TAF4B: variants seen among roughly 807,000 people sequenced by gnomAD.
TAF4B encodes the protein transcription initiation factor TFIID subunit 4B.
A neutral mutation model predicts 86.4 loss-of-function variants in TAF4B; 38 were observed. The ratio of observed to expected loss-of-function variants is 0.44; its 90% CI spans 0.34 to 0.58. The LOEUF is 0.58. Ranked by LOEUF, TAF4B falls within the 20% of genes least tolerant of loss-of-function variation. TAF4B has a pLI of 0.02. For synonymous variants in TAF4B, 388 were observed against 391.2 expected (o/e 0.99, Z 0.10); for missense variants, 988 against 1,027.6 (o/e 0.96, Z 0.53).
At chr18:26,274,907 T>TTA (rs1177250066) in intron 4 of TAF4B, 24 bp from the exon 5 acceptor site, 1 of 1,612,310 alleles carries the variant, frequency 6.2e-7, no homozygotes, top group East Asian at 2.2e-5. Flanking sequence ...TTGTGTTTGC[T>TTA]TATATTTACA....
intron 6 of TAF4B, among the ~76,000 whole-genome samples, chr18:26,284,664 G>C (rs2056488699): frequency 6.6e-6 from 1 of 152,166 alleles, no homozygotes; most frequent in African/African-American, 2.4e-5. Flanking sequence ...GATCACCTGA[G>C]GTGAGGAGAT....
chr18:26,260,118 T>C (rs1259885232), intron 1 of TAF4B, among the ~76,000 whole-genome samples: 1 of 152,174 alleles, frequency 6.6e-6, no homozygotes, highest in Non-Finnish European at 1.5e-5. Flanking sequence ...TTCACCCACT[T>C]TTTGATGGGG....
At chr18:26,364,497 T>G (rs2144321044) in intron 14 of TAF4B, among the ~76,000 whole-genome samples, 1 of 152,292 alleles carries the variant, frequency 6.6e-6, no homozygotes, top group African/African-American at 2.4e-5. Flanking sequence ...CGGTGATGTG[T>G]TTGGGGTTCT....
intron 1 of TAF4B, chr18:26,255,625 C>A: frequency 1.1e-5 from 6 of 566,846 alleles, no homozygotes; most frequent in South Asian, 2.7e-5. Flanking sequence ...AAAAGAGGGT[C>A]AGTTTGTTGC....
At chr18:26,262,099 G>T (rs1208920986) in intron 1 of TAF4B, among the ~76,000 whole-genome samples, 1 of 152,084 alleles carries the variant, frequency 6.6e-6, no homozygotes, top group East Asian at 1.9e-4. Flanking sequence ...TGCTCTCCTT[G>T]AAGTACAGAT....
chr18:26,283,374 A>G (rs894306621), intron 6 of TAF4B, among the ~76,000 whole-genome samples: 1 of 152,200 alleles, frequency 6.6e-6, no homozygotes, highest in Non-Finnish European at 1.5e-5. Flanking sequence ...TCTCTATCAG[A>G]ACTTCTGGGT....
At chr18:26,375,542 C>G (rs2057436789) in intron 14 of TAF4B, among the ~76,000 whole-genome samples, 1 of 152,174 alleles carries the variant, frequency 6.6e-6, no homozygotes, top group African/African-American at 2.4e-5. Context: ...GTTCCACTTT[C>G]TCCACATCCT....
At position 26,267,323 on chromosome 18, in the gene TAF4B, T is replaced by C. The variant is rs947561191; in HGVS notation, c.490-193T>C. On this transcript the variant is annotated intron_variant, in intron 2 of 14. Coordinates refer to ENST00000269142, the MANE Select transcript of TAF4B (RefSeq NM_005640.3). ...TGAATCAGTTGCCACCTTAGAAATA[T>C]GAAATGAGTGTCATCTGGGCAGCTG... The C allele has an allele frequency of 9.5e-6, 4 of 422,036 alleles. No individual in the cohort carries two copies. The Admixed American group carries it at 1.2e-4, about 13-fold the overall frequency. 26.1% of individuals were successfully genotyped at this position (422,036 alleles called of 1,614,324 possible).
At chr18:26,342,319 C>T (rs2057143056) in intron 13 of TAF4B, among the ~76,000 whole-genome samples, 1 of 152,004 alleles carries the variant, frequency 6.6e-6, no homozygotes, top group South Asian at 2.1e-4. Context: ...TTTGATTTCC[C>T]ATATTGTCTA....
chr18:26,264,165 G>A (rs980679087), intron 1 of TAF4B, among the ~76,000 whole-genome samples: 1 of 152,186 alleles, frequency 6.6e-6, no homozygotes, highest in East Asian at 1.9e-4. Context: ...TCAGCCGGGT[G>A]CAGTGGCTCA....
At chr18:26,315,961 C>T (rs564389640) in intron 10 of TAF4B, among the ~76,000 whole-genome samples, 171 of 152,192 alleles carry the variant, frequency 1.1e-3, no homozygotes, top group Non-Finnish European at 2.1e-3. Context: ...CTAGCACTTT[C>T]GAAGGCCAAG....
At chr18:26,268,819 G>A (rs1245872437) in intron 3 of TAF4B, among the ~76,000 whole-genome samples, 1 of 151,868 alleles carries the variant, frequency 6.6e-6, no homozygotes, top group African/African-American at 2.4e-5. Context: ...ATTTTGTTTT[G>A]TTTTATTTTA....
At chr18:26,363,404 C>G (rs1483560421) in intron 14 of TAF4B, among the ~76,000 whole-genome samples, 9 of 134,708 alleles carry the variant, frequency 6.7e-5, no homozygotes, top group Non-Finnish European at 1.1e-4. Flanking sequence ...AAAAAGGCAG[C>G]GCGTGGTGGT....
At chr18:26,249,042 C>T (rs931481644) in intron 1 of TAF4B, among the ~76,000 whole-genome samples, 4 of 151,434 alleles carry the variant, frequency 2.6e-5, no homozygotes, top group Non-Finnish European at 5.9e-5. Context: ...CGTGGTGGTA[C>T]GTGCCTGTAA....
At chr18:26,282,161 TACTG>T (rs749822074) in intron 6 of TAF4B, 101 bp downstream of exon 6, 129 of 973,280 alleles carry the variant, frequency 1.3e-4, no homozygotes, top group Non-Finnish European at 1.9e-4. Flanking sequence ...AATGTGAAGA[TACTG>T]ACAGTGTGGG....
In TAF4B at chr18:26,375,919, G is replaced by C. The variant is rs112136444; in HGVS notation, c.2422-13926G>C. Among the ~76,000 whole-genome samples the C allele has an allele frequency of 8.2e-3, 1,242 of 152,044 alleles. 8 individuals carry two copies. Among genetic ancestry groups the C allele is most frequent in the Non-Finnish European group, 0.014 (954 of 67,940 alleles). On this transcript the variant is annotated intron_variant, in intron 14 of 14. Transcript: ENST00000269142. ...TAGGGGCCCAAATTCATTCTTTTGCGTGTGGCTATCCAGTTGTCCAGGCAT... is the reference window on the plus strand; with the variant it reads ...TAGGGGCCCAAATTCATTCTTTTGCCTGTGGCTATCCAGTTGTCCAGGCAT...
intron 13 of TAF4B, among the ~76,000 whole-genome samples, chr18:26,347,020 A>G (rs1039836702): frequency 9.5e-5 from 14 of 147,256 alleles, no homozygotes; most frequent in African/African-American, 3.2e-4. Flanking sequence ...TCCTGGGTTC[A>G]TGCCATTCTC....
At chr18:26,337,730 T>C (rs528789089) in intron 13 of TAF4B, among the ~76,000 whole-genome samples, 2 of 152,230 alleles carry the variant, frequency 1.3e-5, no homozygotes, top group African/African-American at 4.8e-5. Flanking sequence ...GCTAACCATA[T>C]CTTAATAGGG....
At chr18:26,250,496 CAA>C (rs9304494) in intron 1 of TAF4B, among the ~76,000 whole-genome samples, 82,262 of 135,380 alleles carry the variant, frequency 0.61, 24,616 homozygotes, top group East Asian at 0.9. Flanking sequence ...GACTCCATCT[CAA>C]AAAAAAAAAA....
Sources: allele counts gnomAD v4.1 joint callset (sites outside exome capture counted in the v4.1 genomes callset), GRCh38; gene constraint gnomAD v4.1.1; transcripts MANE v1.5; gene names NCBI Gene and HGNC (gene_info 2026-07-23, HGNC 2026-07-21).